Variants in NLN observed in about 807,000 individuals in gnomAD.
NLN encodes neurolysin, also known as neurolysin, mitochondrial.
Under a neutral mutation model 79.9 loss-of-function variants are expected in NLN, and 64 were observed. The observed-to-expected ratio is 0.80, with a 90% CI of 0.65 to 0.99. The LOEUF is 0.99. Among genes scored for constraint, NLN ranks in the 50% least tolerant of loss-of-function variants. The probability of loss-of-function intolerance (pLI) is 0.00; values close to 1 mark genes in which losing one functional copy is unlikely to be tolerated. For missense variants in NLN, 835 were observed against 858.7 expected, an observed-to-expected ratio of 0.97 and a Z score of 0.34; for synonymous variants, 267 against 296.6, an observed-to-expected ratio of 0.90 and a Z score of 1.02.
Position 65,788,277 on chromosome 5 carries a change from A to G in NLN, c.1118A>G (p.Tyr373Cys). 6.2e-7 allele frequency: 1 copy of G among 1,614,060 alleles called. No homozygotes were observed. Among genetic ancestry groups the G allele is most frequent in the African/African-American group, 1.3e-5 (1 of 75,058 alleles). ...YYMTQTEELK[Y>C]SIDQEFLKEY... Reference sequence around the variant, plus strand: ...ATGACTCAGACAGAGGAACTCAAGTATTCCATAGACCAAGAGTTCCTCAAG... The same window carrying G: ...ATGACTCAGACAGAGGAACTCAAGTGTTCCATAGACCAAGAGTTCCTCAAG... The change falls in exon 8 of 13, where the codon TAT becomes TGT. Residue 373 changes from tyrosine to cysteine, a missense_variant. Transcript: ENST00000380985.
Position 65,749,452 on chromosome 5 carries a change from G to A in NLN, c.42-9115G>A, listed in dbSNP as rs75826967. 3.2e-3 allele frequency among the ~76,000 whole-genome samples: 480 copies of A among 152,316 alleles called. 3 individuals are homozygous for A. The highest frequency in any genetic ancestry group is 5.8e-3 in the Non-Finnish European group (392 of 68,026). On this transcript the variant is annotated intron_variant, in intron 1 of 12. Transcript: ENST00000380985. Reference sequence around the variant, plus strand: ...GAGAATGTCAGTGCACTTCATGGGAGAGGCAGTGCATTCACCAGGAATCCA... The same window carrying A: ...GAGAATGTCAGTGCACTTCATGGGAAAGGCAGTGCATTCACCAGGAATCCA...
intron 8 of NLN, among the ~76,000 whole-genome samples, chr5:65,792,226 T>C (rs1280099183): frequency 6.6e-6 from 1 of 152,178 alleles, no homozygotes; most frequent in African/African-American, 2.4e-5. Flanking sequence ...TACCTCGAGA[T>C]TTTTCAATAA....
intron 1 of NLN, among the ~76,000 whole-genome samples, chr5:65,758,160 C>A (rs991475094): frequency 2.8e-4 from 42 of 151,938 alleles, no homozygotes; most frequent in Admixed American, 1.8e-3. Flanking sequence ...CACTTGAGTC[C>A]ATGAGGTCAA....
At position 65,788,489 on chromosome 5, in the gene NLN, T is replaced by G. The variant is rs1261626830; in HGVS notation, c.1325+5T>G. 1 of 1,609,074 alleles carries G rather than the reference T, an allele frequency of 6.2e-7. No individual in the cohort carries two copies. The highest frequency in any genetic ancestry group is 1.1e-5 in the South Asian group (1 of 90,694). ...CTATTTGGACCTCTATCCAAGGTACTGAGGATCACGTTGTTGGAAGGGACC... is the reference window on the plus strand; with the variant it reads ...CTATTTGGACCTCTATCCAAGGTACGGAGGATCACGTTGTTGGAAGGGACC... On this transcript the variant is annotated splice_donor_5th_base_variant and intron_variant, in intron 8 of 12. Transcript: ENST00000380985.
At chr5:65,794,275 G>C (rs1760124825) in intron 9 of NLN, among the ~76,000 whole-genome samples, 2 of 152,178 alleles carry the variant, frequency 1.3e-5, no homozygotes, top group Admixed American at 6.5e-5. Context: ...TTACACAGTA[G>C]ATCCTAGTAC....
intron 1 of NLN, among the ~76,000 whole-genome samples, chr5:65,725,412 A>G (rs958447202): frequency 1.1e-4 from 17 of 152,246 alleles, no homozygotes; most frequent in Admixed American, 1.1e-3. Context: ...ATTAATATCC[A>G]ATGGTGTACC....
intron 3 of NLN, among the ~76,000 whole-genome samples, chr5:65,768,560 T>A (rs1158158996): frequency 2.0e-5 from 3 of 152,240 alleles, no homozygotes; most frequent in Non-Finnish European, 4.4e-5. Context: ...AGTGTCTTAG[T>A]TAGACTGGGC....
intron 1 of NLN, among the ~76,000 whole-genome samples, chr5:65,742,035 A>C (rs1022212822): frequency 6.6e-6 from 1 of 152,190 alleles, no homozygotes; most frequent in African/African-American, 2.4e-5. Context: ...GAAATATTAC[A>C]AATATTTCTA....
At chr5:65,815,129 G>T (rs1029968939) in intron 12 of NLN, among the ~76,000 whole-genome samples, 34 of 152,164 alleles carry the variant, frequency 2.2e-4, no homozygotes, top group African/African-American at 7.0e-4. Flanking sequence ...CATTGGTGAG[G>T]CTTCCTGGCA....
rs1758655381 is a variant in NLN at position 65,733,401 on chromosome 5, A to G, written c.41+10987A>G. ...CTACTTTCATGGAAACGAGACCTCC[A>G]TGAATGCTCTGAAAGACCTGCTGTG... On this transcript the variant is annotated intron_variant, in intron 1 of 12. Coordinates refer to ENST00000380985, the MANE Select transcript of NLN (RefSeq NM_020726.5). 33 of 1,499,202 alleles carry G rather than the reference A, an allele frequency of 2.2e-5. 5 individuals carry two copies. The highest frequency in any genetic ancestry group is 2.9e-5 in the Non-Finnish European group (32 of 1,090,480). The allele number at this position is 1,499,202 out of a possible 1,614,324, so 92.9% of individuals were successfully genotyped here. A position where few individuals can be genotyped will look rare whatever the true frequency, so the allele number is the denominator to read the frequency against.
Position 65,762,956 on chromosome 5 carries a change from G to T in NLN, c.302-4G>T. 4.3e-6 allele frequency: 7 copies of T among 1,612,410 alleles called. No homozygotes were observed. Among genetic ancestry groups the T allele is most frequent in the Non-Finnish European group, 5.9e-6 (7 of 1,179,354 alleles). On this transcript the variant is annotated splice_polypyrimidine_tract_variant and splice_region_variant and intron_variant, in intron 2 of 12. Transcript: ENST00000380985. ...GTGGTGATAGTTTTTTTCTCCATCT[G>T]CAGTGGAAAGGACCATGCTAGACTT... is the stretch of plus-strand genomic sequence containing the variant.
intron 3 of NLN, among the ~76,000 whole-genome samples, chr5:65,772,891 C>G (rs118080769): frequency 6.6e-6 from 1 of 151,104 alleles, no homozygotes; most frequent in African/African-American, 2.4e-5. Flanking sequence ...CCACCAGACC[C>G]GGCTATACTC....
In NLN at chr5:65,722,323, C is replaced by T. The variant is rs1758324895; in HGVS notation, c.-51C>T. 6.7e-7 allele frequency: 1 copy of T among 1,486,322 alleles called. No individual in the cohort carries two copies. Among genetic ancestry groups the T allele is most frequent in the Non-Finnish European group, 9.0e-7 (1 of 1,111,564 alleles). 92.1% of individuals were successfully genotyped at this position (1,486,322 alleles called of 1,614,324 possible). On this transcript the variant is annotated 5_prime_UTR_variant, in exon 1 of 13. Coordinates refer to ENST00000380985, the MANE Select transcript of NLN (RefSeq NM_020726.5). ...CCAGGCGCTGCCGCCCGCCTCGCCG[C>T]CCCACGCCGAAGGACCACGCGCCCG... is the stretch of plus-strand genomic sequence containing the variant.
intron 3 of NLN, among the ~76,000 whole-genome samples, chr5:65,769,609 A>G (rs943462443): frequency 6.6e-6 from 1 of 152,246 alleles, no homozygotes; most frequent in African/African-American, 2.4e-5. Flanking sequence ...ATTACAGTAG[A>G]GGATAAGACT....
intron 9 of NLN, among the ~76,000 whole-genome samples, chr5:65,801,337 T>C (rs950418616): frequency 6.6e-5 from 10 of 152,230 alleles, no homozygotes; most frequent in African/African-American, 1.7e-4. Context: ...ATTTGTTGGC[T>C]GGTCAACAGT....
intron 9 of NLN, among the ~76,000 whole-genome samples, chr5:65,801,160 T>G (rs1233143051): frequency 6.6e-6 from 1 of 152,170 alleles, no homozygotes; most frequent in African/African-American, 2.4e-5. Context: ...GTTAATTGGA[T>G]TATTTTGTGT....
chr5:65,778,453 GCCCTTTGATCACCTTGTAT>G (rs1759726874), intron 4 of NLN, among the ~76,000 whole-genome samples: 1 of 152,044 alleles, frequency 6.6e-6, no homozygotes, highest in East Asian at 1.9e-4. Flanking sequence ...CCCACGTAAA[GCCCTTTGATCACCTTGTAT>G]CCTCTTCCTT....
intron 1 of NLN, among the ~76,000 whole-genome samples, chr5:65,730,463 A>G (rs1425198392): frequency 6.6e-6 from 1 of 152,140 alleles, no homozygotes; most frequent in African/African-American, 2.4e-5. Flanking sequence ...CATTGTGACT[A>G]GCATGGAATA....
chr5:65,783,664 A>G (rs529154636), intron 6 of NLN, among the ~76,000 whole-genome samples: 1 of 151,828 alleles, frequency 6.6e-6, no homozygotes, highest in East Asian at 1.9e-4. Context: ...GTTCAAGACC[A>G]GCCTCAGCAA....
Sources: gnomAD v4.1 joint callset for allele counts (sites outside exome capture counted in the v4.1 genomes callset) on GRCh38, gnomAD v4.1.1 for gene constraint, MANE v1.5 for transcripts, NCBI Gene and HGNC (gene_info 2026-07-23, HGNC 2026-07-21) for gene names.